The following LGR6 variants were observed in gnomAD, a reference collection of about 807,000 sequenced individuals.
The protein encoded by LGR6 is leucine rich repeat containing G protein-coupled receptor 6.
LGR6 carries 45 observed loss-of-function variants against 69.4 expected under a neutral mutation model. The ratio of observed to expected loss-of-function variants is 0.65; its 90% CI spans 0.51 to 0.83. LGR6 has a LOEUF of 0.83. Among genes scored for constraint, LGR6 ranks in the 40% least tolerant of loss-of-function variants. The pLI, the probability that LGR6 is intolerant of heterozygous loss-of-function variation, is 0.00. For synonymous variants in LGR6, 538 were observed against 555.0 expected, an observed-to-expected ratio of 0.97 and a Z score of 0.43; for missense variants, 1,108 against 1,246.7, an observed-to-expected ratio of 0.89 and a Z score of 1.68.
chr1:202,264,655 T>C (rs1664503711), intron 4 of LGR6, among the ~76,000 whole-genome samples: 1 of 152,206 alleles, frequency 6.6e-6, no homozygotes, highest in African/African-American at 2.4e-5. Flanking sequence ...AAAGGTGGCC[T>C]TCTGCCCAGA....
At chr1:202,263,757 G>C in intron 4 of LGR6, among the ~76,000 whole-genome samples, 1 of 152,144 alleles carries the variant, frequency 6.6e-6, no homozygotes, top group East Asian at 1.9e-4. Context: ...TCAAAGAGGG[G>C]CATCAACCTA....
At position 202,318,644 on chromosome 1, in the gene LGR6, G is replaced by C; in HGVS notation, c.2341G>C (p.Ala781Pro). The C allele has an allele frequency of 6.2e-7, 1 of 1,613,736 alleles. No individual in the cohort carries two copies. Among genetic ancestry groups the C allele is most frequent in the Non-Finnish European group, 8.5e-7 (1 of 1,179,986 alleles). The change falls in exon 18 of 18, where the codon GCA (alanine) becomes CCA (proline). Residue 781 changes from alanine to proline, a missense_variant. Ala to Pro is a conservative substitution (Grantham distance 27). Coordinates refer to ENST00000367278, the MANE Select transcript of LGR6 (RefSeq NM_001017403.2). ...GAGGCACGTGGCCTGGCTCATCTTC[G>C]CAGACGGGCTCCTCTACTGTCCCGT... is the stretch of plus-strand genomic sequence containing the variant. ...MVRHVAWLIF[A>P]DGLLYCPVAF... is the part of the protein sequence containing the mutation.
intron 5 of LGR6, among the ~76,000 whole-genome samples, chr1:202,278,474 C>T: frequency 6.6e-6 from 1 of 152,088 alleles, no homozygotes; most frequent in East Asian, 1.9e-4. Context: ...GGAAAGAAAA[C>T]CTACTGGTGC....
rs1455282299 is a variant in LGR6 at position 202,268,938 on chromosome 1, C to T, written c.429-7368C>T. 6.6e-6 allele frequency among the ~76,000 whole-genome samples: 1 copy of T among 152,146 alleles called. No individual in the cohort carries two copies. Among genetic ancestry groups the T allele is most frequent in the Non-Finnish European group, 1.5e-5 (1 of 68,030 alleles). ...TGTTTGTTTTGGAAATAGGGTCTCA[C>T]TTTGTTGCCCAGGCTGGAGTGAAGT... is the stretch of plus-strand genomic sequence containing the variant. On this transcript the variant is annotated intron_variant, in intron 4 of 17. Transcript: ENST00000367278. The surrounding 1 kb of genome is among the most constrained non-coding windows in gnomAD (Gnocchi z 4.4).
intron 4 of LGR6, among the ~76,000 whole-genome samples, chr1:202,239,769 C>T (rs1232937714): frequency 1.3e-5 from 2 of 152,144 alleles, no homozygotes; most frequent in Non-Finnish European, 2.9e-5. Context: ...TCAGCTTCTT[C>T]ACTTACTCAC....
chr1:202,239,850 G>A (rs549666485), intron 4 of LGR6, among the ~76,000 whole-genome samples: 2 of 152,306 alleles, frequency 1.3e-5, no homozygotes, highest in South Asian at 2.1e-4. Context: ...TAAAATGGAA[G>A]CGATAATAGT....
At chr1:202,253,200 A>G (rs1417783066) in intron 4 of LGR6, among the ~76,000 whole-genome samples, 1 of 152,222 alleles carries the variant, frequency 6.6e-6, no homozygotes, top group Non-Finnish European at 1.5e-5. Context: ...TCTATAAACT[A>G]GGAATAACAA....
At chr1:202,224,588 G>GT (rs1313226691) in intron 1 of LGR6, among the ~76,000 whole-genome samples, 1 of 152,216 alleles carries the variant, frequency 6.6e-6, no homozygotes, top group African/African-American at 2.4e-5. Flanking sequence ...GGATGAAACT[G>GT]TTCCACCTCA....
At chr1:202,313,453 A>G (rs1653904207) in intron 16 of LGR6, among the ~76,000 whole-genome samples, 1 of 152,008 alleles carries the variant, frequency 6.6e-6, no homozygotes, top group South Asian at 2.1e-4. Context: ...GGAAAGCATG[A>G]TGGTTAAACA....
At chr1:202,241,862 C>T (rs1047840168) in intron 4 of LGR6, among the ~76,000 whole-genome samples, 12 of 152,176 alleles carry the variant, frequency 7.9e-5, no homozygotes, top group African/African-American at 2.7e-4. Context: ...ATGCGAAGGA[C>T]AGCCACATGA....
chr1:202,301,313 C>A (rs1667577842), intron 9 of LGR6, 78 bp downstream of exon 9: 4 of 1,230,148 alleles, frequency 3.3e-6, no homozygotes, highest in Non-Finnish European at 4.8e-6. Context: ...CTGCCTATCG[C>A]CTGCGGATCT....
In LGR6 at chr1:202,301,154, CT is replaced by C. The variant is rs1213915235; in HGVS notation, c.858-8del. 3 of 1,613,940 alleles carry C rather than the reference CT, an allele frequency of 1.9e-6. No individual in the cohort carries two copies. In the Admixed American group the frequency reaches 5.0e-5, roughly 27 times the overall value. On this transcript the variant is annotated splice_polypyrimidine_tract_variant and intron_variant, in intron 8 of 17. Transcript: ENST00000367278. ...AAACCCAATTAGGTGTTTGGACCTT[CT>C]TCTTCCAGACACTTTTATGATAACC...
At position 202,193,911 on chromosome 1, in the gene LGR6, A is replaced by C; in HGVS notation, c.-79A>C. 1.1e-6 allele frequency: 1 copy of C among 946,502 alleles called. No individual in the cohort carries two copies. The allele number at this position is 946,502 out of a possible 1,614,324, so 58.6% of individuals were successfully genotyped here. On this transcript the variant is annotated 5_prime_UTR_variant, in exon 1 of 18. Transcript: ENST00000367278. The stretch of plus-strand genomic sequence containing the variant: ...CCCACCGACGGTGCAGCCCGCCGGG[A>C]CCGGGAGGAAGCAGCTGCGGCCATC...
At chr1:202,300,223 G>A (rs1449032532) in intron 7 of LGR6, among the ~76,000 whole-genome samples, 1 of 152,256 alleles carries the variant, frequency 6.6e-6, no homozygotes, top group East Asian at 1.9e-4. Flanking sequence ...TGACTAAGGA[G>A]AGGATTCCCT....
Position 202,259,880 on chromosome 1 carries a change from G to A in LGR6, c.429-16426G>A, listed in dbSNP as rs368302301. Among the ~76,000 whole-genome samples the A allele has an allele frequency of 1.4e-4, 21 of 152,270 alleles. No individual in the cohort carries two copies. The East Asian group carries it at 3.9e-3, about 28-fold the overall frequency. ...AGGCAAAAGCCTGGCCAATCATAAGGCTCACAGAATGTGCCTCCCGGCTGT... is the reference window on the plus strand; with the variant it reads ...AGGCAAAAGCCTGGCCAATCATAAGACTCACAGAATGTGCCTCCCGGCTGT... On this transcript the variant is annotated intron_variant, in intron 4 of 17. Coordinates refer to ENST00000367278, the MANE Select transcript of LGR6 (RefSeq NM_001017403.2).
At chr1:202,214,262 G>T (rs1276952436) in intron 1 of LGR6, 2 of 1,521,566 alleles carry the variant, frequency 1.3e-6, no homozygotes. Context: ...AGGGTGCCGA[G>T]CTCCGGAAAG....
At chr1:202,227,267 T>C (rs577556933) in intron 2 of LGR6, among the ~76,000 whole-genome samples, 2 of 152,350 alleles carry the variant, frequency 1.3e-5, no homozygotes, top group South Asian at 2.1e-4. Context: ...CCTGGGGACT[T>C]TGGAGATCAG....
chr1:202,297,123 G>C (rs775177980), intron 6 of LGR6, among the ~76,000 whole-genome samples: 10 of 152,140 alleles, frequency 6.6e-5, no homozygotes, highest in Admixed American at 6.5e-5. Context: ...GAACCTTCTG[G>C]AATCCCTAGT....
chr1:202,228,795 T>C (rs754065340), intron 3 of LGR6, among the ~76,000 whole-genome samples: 3 of 152,156 alleles, frequency 2.0e-5, no homozygotes, highest in Non-Finnish European at 4.4e-5. Context: ...GGAGGTCGCG[T>C]TGCCACAGGG....
Sources: gnomAD v4.1 joint callset for allele counts (sites outside exome capture counted in the v4.1 genomes callset) on GRCh38, gnomAD v4.1.1 for gene constraint, Gnocchi (gnomAD v3.1) non-coding constraint, MANE v1.5 for transcripts, NCBI Gene and HGNC (gene_info 2026-07-23, HGNC 2026-07-21) for gene names.